The following ARMC8 variants were observed in gnomAD, a reference collection of about 807,000 sequenced individuals.
The protein encoded by ARMC8 is armadillo repeat-containing protein 8.
Under a neutral mutation model 99.3 loss-of-function variants are expected in ARMC8, and 20 were observed. That is an observed-to-expected ratio of 0.20 (90% CI 0.14 to 0.29). The LOEUF is 0.29. Ranked by LOEUF, ARMC8 falls within the 10% of genes least tolerant of loss-of-function variation. ARMC8 has a pLI of 1.00. For synonymous variants in ARMC8, 263 were observed against 278.3 expected, an observed-to-expected ratio of 0.95 and a Z score of 0.55; for missense variants, 569 against 809.5, an observed-to-expected ratio of 0.70 and a Z score of 3.60.
chr3:138,260,930 G>C (rs2047682658), intron 12 of ARMC8, among the ~76,000 whole-genome samples: 1 of 152,184 alleles, frequency 6.6e-6, no homozygotes, highest in African/African-American at 2.4e-5. Flanking sequence ...TTTCTCCCAA[G>C]TTATCACTTC....
rs767262292 is a variant in ARMC8, at chr3:138,284,507, A to G, written c.1802A>G (p.Gln601Arg). 2 of 1,612,312 alleles carry G rather than the reference A, an allele frequency of 1.2e-6. No individual in the cohort carries two copies. The highest frequency in any genetic ancestry group is 1.7e-6 in the Non-Finnish European group (2 of 1,178,296). Reference sequence around the variant, plus strand: ...ATTATGACCAATGATGATATCCTACAGAAAATCAAGTATTACATGGTGAGC... The same window carrying G: ...ATTATGACCAATGATGATATCCTACGGAAAATCAAGTATTACATGGTGAGC... The part of the protein sequence containing the change: ...DLIMTNDDIL[Q>R]KIKYYMGHSH... The change falls in exon 19 of 22, where the codon CAG becomes CGG. Residue 601 changes from glutamine (Q) to arginine (R), a missense_variant. Gln to Arg is a conservative substitution (Grantham distance 43, BLOSUM62 1). This residue lies in a region of ARMC8 where 227 missense variants were observed against 417.9 expected (regional missense o/e 0.54). Transcript: ENST00000469044.
At chr3:138,229,316 A>G (rs899784121) in intron 6 of ARMC8, among the ~76,000 whole-genome samples, 1 of 148,332 alleles carries the variant, frequency 6.7e-6, no homozygotes, top group Admixed American at 6.7e-5. Flanking sequence ...ATATCAGTAC[A>G]TAAGGACCTC....
chr3:138,272,017 A>G (rs1249385707), intron 16 of ARMC8, among the ~76,000 whole-genome samples: 1 of 152,154 alleles, frequency 6.6e-6, no homozygotes, highest in Non-Finnish European at 1.5e-5. Flanking sequence ...GGAATTTATC[A>G]TGGTTTTTGT....
At chr3:138,194,178 G>A (rs2043561205) in intron 1 of ARMC8, among the ~76,000 whole-genome samples, 1 of 151,308 alleles carries the variant, frequency 6.6e-6, no homozygotes, top group Admixed American at 6.6e-5. Flanking sequence ...GAGTAGCTGG[G>A]ACTACAGGCA....
intron 12 of ARMC8, among the ~76,000 whole-genome samples, chr3:138,249,830 A>G (rs2047044365): frequency 6.6e-6 from 1 of 152,202 alleles, no homozygotes; most frequent in African/African-American, 2.4e-5. Context: ...AGTCAGAGAA[A>G]AGTAAGGAAT....
intron 1 of ARMC8, chr3:138,188,062 C>T: frequency 4.4e-6 from 1 of 225,360 alleles, no homozygotes; most frequent in Non-Finnish European, 8.9e-6. Context: ...CCCCCATTTC[C>T]TCAGAGCTGC....
intron 2 of ARMC8, among the ~76,000 whole-genome samples, chr3:138,214,846 G>C (rs1365430994): frequency 6.6e-6 from 1 of 152,082 alleles, no homozygotes; most frequent in African/African-American, 2.4e-5. Flanking sequence ...TAGAGACAAG[G>C]TTTTGCCCTG....
Position 138,295,916 on chromosome 3 carries a change from G to T in ARMC8, c.*24G>T. ...GATGGGAGTGCCCCTGGGCACCTGC[G>T]AGCATCCCACCTCCTTGTTTAAGGA... On this transcript the variant is annotated 3_prime_UTR_variant, in exon 22 of 22. Coordinates refer to ENST00000469044, the MANE Select transcript of ARMC8 (RefSeq NM_001363941.2). 1 of 1,612,228 alleles carries T rather than the reference G, an allele frequency of 6.2e-7. No individual in the cohort carries two copies. Among genetic ancestry groups the T allele is most frequent in the Non-Finnish European group, 8.5e-7 (1 of 1,179,060 alleles).
Position 138,216,807 on chromosome 3 carries a change from T to A in ARMC8, c.123-5119T>A, listed in dbSNP as rs77354770. On this transcript the variant is annotated intron_variant, in intron 2 of 21. Transcript: ENST00000469044. ...TACTTCATACTAATTAGACCAGAAA[T>A]ACACATAGAGTATTCCAAATATGAA... Among the ~76,000 whole-genome samples the A allele has an allele frequency of 5.6e-4, 85 of 152,288 alleles. 2 individuals carry two copies. The East Asian group carries it at 9.6e-3, about 17-fold the overall frequency.
chr3:138,266,238 T>A (rs961104017), intron 14 of ARMC8, among the ~76,000 whole-genome samples: 7 of 152,208 alleles, frequency 4.6e-5, no homozygotes, highest in Admixed American at 6.5e-5. Flanking sequence ...TTTTGCTTCC[T>A]GAACCTCATT....
intron 12 of ARMC8, among the ~76,000 whole-genome samples, chr3:138,251,263 T>C (rs2047112133): frequency 6.6e-6 from 1 of 152,192 alleles, no homozygotes; most frequent in Non-Finnish European, 1.5e-5. Context: ...TACCGTGAAT[T>C]TATATTGTTA....
chr3:138,188,199 C>G (rs531501558), intron 1 of ARMC8: 1 of 343,062 alleles, frequency 2.9e-6, no homozygotes. Context: ...TTTTAAGCCC[C>G]TTTCCTCCGC....
chr3:138,283,957 T>C (rs1474331461), intron 18 of ARMC8, among the ~76,000 whole-genome samples: 1 of 152,178 alleles, frequency 6.6e-6, no homozygotes, highest in Non-Finnish European at 1.5e-5. Context: ...CAGAAGGTCA[T>C]GAGCTTAGGA....
At chr3:138,194,411 C>T (rs1056088265) in intron 1 of ARMC8, among the ~76,000 whole-genome samples, 2 of 143,718 alleles carry the variant, frequency 1.4e-5, no homozygotes, top group Admixed American at 1.4e-4. Flanking sequence ...GATCTCGGGT[C>T]ACTGCAACCT....
At chr3:138,244,288 T>A (rs2046775099) in intron 11 of ARMC8, among the ~76,000 whole-genome samples, 1 of 152,096 alleles carries the variant, frequency 6.6e-6, no homozygotes, top group Non-Finnish European at 1.5e-5. Flanking sequence ...ATTTATTTAT[T>A]TATTTTTGAG....
intron 12 of ARMC8, chr3:138,245,481 A>G (rs574855187): frequency 5.4e-6 from 7 of 1,296,326 alleles, no homozygotes; most frequent in Admixed American, 3.6e-5. Flanking sequence ...ATAAAAATCA[A>G]TTCTAGCACT....
chr3:138,260,207 A>G (rs2047628902), intron 12 of ARMC8, among the ~76,000 whole-genome samples: 1 of 152,184 alleles, frequency 6.6e-6, no homozygotes, highest in African/African-American at 2.4e-5. Context: ...CACTCTAAGT[A>G]GACCTGAACC....
At chr3:138,255,296 G>C (rs1278545364) in intron 12 of ARMC8, among the ~76,000 whole-genome samples, 1 of 143,914 alleles carries the variant, frequency 6.9e-6, no homozygotes, top group South Asian at 2.3e-4. Context: ...TCCACCTCCC[G>C]GGCTCAGGCC....
chr3:138,248,677 G>C (rs1246993968), intron 12 of ARMC8, among the ~76,000 whole-genome samples: 2 of 152,138 alleles, frequency 1.3e-5, no homozygotes, highest in Non-Finnish European at 2.9e-5. Flanking sequence ...CACTTGATTA[G>C]GACCTGTCGA....
Sources: allele counts gnomAD v4.1 joint callset (sites outside exome capture counted in the v4.1 genomes callset), GRCh38; gene constraint gnomAD v4.1.1; regional missense constraint gnomAD v4.1.1; transcripts MANE v1.5; gene names NCBI Gene and HGNC (gene_info 2026-07-23, HGNC 2026-07-21).